Variants in MAP4K4 observed in about 807,000 individuals in gnomAD.
MAP4K4 encodes the protein mitogen-activated protein kinase kinase kinase kinase 4.
In MAP4K4, 38 loss-of-function variants were observed where a neutral mutation model predicts 189.6. The ratio of observed to expected loss-of-function variants is 0.20; its 90% CI spans 0.15 to 0.26. The LOEUF is 0.26. MAP4K4 is among the 10% of genes least tolerant of loss of function. The probability of loss-of-function intolerance (pLI) is 1.00; values close to 1 mark genes in which losing one functional copy is unlikely to be tolerated. For synonymous variants in MAP4K4, 610 were observed against 624.3 expected (o/e 0.98, Z 0.34); for missense variants, 1,054 against 1,726.9 (o/e 0.61, Z 6.91).
At chr2:101,826,034 G>A (rs768645078) in intron 5 of MAP4K4, among the ~76,000 whole-genome samples, 2 of 152,122 alleles carry the variant, frequency 1.3e-5, no homozygotes, top group East Asian at 1.9e-4. Context: ...CTAGGATTTC[G>A]TATTTGAGCA....
chr2:101,797,784 A>G (rs1264110900), intron 3 of MAP4K4, among the ~76,000 whole-genome samples: 2 of 151,630 alleles, frequency 1.3e-5, no homozygotes, highest in African/African-American at 2.4e-5. Context: ...AGTGATTTTG[A>G]GAACTAATAG....
intron 24 of MAP4K4, among the ~76,000 whole-genome samples, chr2:101,873,334 G>T (rs1418959324): frequency 2.0e-5 from 3 of 152,056 alleles, no homozygotes; most frequent in Non-Finnish European, 4.4e-5. Context: ...TTCATTATAA[G>T]TATTTACTTA....
At chr2:101,736,907 C>T (rs912823292) in intron 2 of MAP4K4, among the ~76,000 whole-genome samples, 1 of 152,192 alleles carries the variant, frequency 6.6e-6, no homozygotes, top group African/African-American at 2.4e-5. Flanking sequence ...CACAAGTGTT[C>T]ATCAATCTCC....
chr2:101,859,918 TC>T, intron 15 of MAP4K4, 54 bp downstream of exon 15: 3 of 1,499,502 alleles, frequency 2.0e-6, no homozygotes, highest in Non-Finnish European at 2.7e-6. Flanking sequence ...GTATAACGAC[TC>T]TTCAGAACTG....
intron 2 of MAP4K4, among the ~76,000 whole-genome samples, chr2:101,768,144 CGTT>C (rs1415939349): frequency 6.6e-6 from 1 of 152,074 alleles, no homozygotes; most frequent in Non-Finnish European, 1.5e-5. Flanking sequence ...TGTATCATAA[CGTT>C]AGTAATATTT....
chr2:101,720,951 C>T (rs2051536706), intron 2 of MAP4K4, among the ~76,000 whole-genome samples: 1 of 152,146 alleles, frequency 6.6e-6, no homozygotes, highest in South Asian at 2.1e-4. Context: ...TCCTATGAGT[C>T]ACATTAATAA....
chr2:101,798,031 C>T (rs2093968077), intron 3 of MAP4K4, among the ~76,000 whole-genome samples: 2 of 151,372 alleles, frequency 1.3e-5, no homozygotes, highest in Admixed American at 1.3e-4. Context: ...TGATCCCCCC[C>T]ATCTCAGCCT....
At chr2:101,746,313 A>G (rs1476878109) in intron 2 of MAP4K4, among the ~76,000 whole-genome samples, 1 of 149,394 alleles carries the variant, frequency 6.7e-6, no homozygotes, top group African/African-American at 2.5e-5. Flanking sequence ...TTTTTAATGT[A>G]AGTATATACT....
intron 15 of MAP4K4, 47 bp from the exon 16 acceptor site, chr2:101,860,778 T>C (rs772014703): frequency 1.4e-6 from 2 of 1,464,802 alleles, no homozygotes; most frequent in South Asian, 1.3e-5. Flanking sequence ...ATATTTCTGC[T>C]TTTCCCCTAC....
At chr2:101,717,631 A>T (rs2049143623) in intron 2 of MAP4K4, among the ~76,000 whole-genome samples, 1 of 152,192 alleles carries the variant, frequency 6.6e-6, no homozygotes, top group African/African-American at 2.4e-5. Context: ...TGGGTGGCAC[A>T]TGGGACTGTC....
chr2:101,893,118 T>C (rs1418033351), exon 33 of MAP4K4: 4 of 456,472 alleles, frequency 8.8e-6, no homozygotes, highest in Non-Finnish European at 1.3e-5. Flanking sequence ...TGGCACCCAC[T>C]CTGACCTCTT....
intron 20 of MAP4K4, chr2:101,867,824 C>T: frequency 1.8e-6 from 1 of 541,250 alleles, no homozygotes; most frequent in Non-Finnish European, 3.3e-6. Context: ...TGCTTCTCAC[C>T]CTTCTCTTTT....
chr2:101,833,523 G>A (rs907699533), intron 7 of MAP4K4, among the ~76,000 whole-genome samples: 4 of 151,942 alleles, frequency 2.6e-5, no homozygotes, highest in African/African-American at 9.7e-5. Flanking sequence ...AGGAGGCTGA[G>A]GCAGGAGAAT....
chr2:101,798,423 A>G (rs941298372), intron 3 of MAP4K4, among the ~76,000 whole-genome samples: 1 of 152,194 alleles, frequency 6.6e-6, no homozygotes, highest in African/African-American at 2.4e-5. Context: ...AACCCATTTA[A>G]TAAGTCAGTA....
chr2:101,800,514 A>C (rs771704793), intron 3 of MAP4K4, among the ~76,000 whole-genome samples: 1 of 152,256 alleles, frequency 6.6e-6, no homozygotes, highest in African/African-American at 2.4e-5. Flanking sequence ...ATGTGCTACT[A>C]TATTTTAATA....
intron 2 of MAP4K4, among the ~76,000 whole-genome samples, chr2:101,764,734 C>A (rs1266991990): frequency 3.3e-5 from 5 of 152,130 alleles, no homozygotes; most frequent in African/African-American, 4.8e-5. Flanking sequence ...CCACTCATAA[C>A]CTAGAGTAAT....
At chr2:101,704,565 ATATTTTTTTT>A (rs1559014149) in intron 2 of MAP4K4, among the ~76,000 whole-genome samples, 39 of 40,354 alleles carry the variant, frequency 9.7e-4, no homozygotes, top group South Asian at 7.9e-3. Flanking sequence ...ATATATATAT[ATATTTTTTTT>A]TTTTTTTTTT....
exon 3 of MAP4K4, chr2:101,790,737 G>A (rs2092728076): frequency 1.9e-6 from 3 of 1,610,410 alleles, no homozygotes; most frequent in Non-Finnish European, 1.7e-6. Context: ...ATGTTAAAAC[G>A]GGTCAGTTGG....
chr2:101,885,554 A>G (rs2098468390), intron 29 of MAP4K4, among the ~76,000 whole-genome samples: 2 of 152,248 alleles, frequency 1.3e-5, no homozygotes. Flanking sequence ...AAAAGAGAAC[A>G]GTACTTCCAC....
Sources: allele counts gnomAD v4.1 joint callset (sites outside exome capture counted in the v4.1 genomes callset), GRCh38; gene constraint gnomAD v4.1.1; transcripts MANE v1.5; gene names NCBI Gene and HGNC (gene_info 2026-07-23, HGNC 2026-07-21).